Variants in C5 observed in about 807,000 individuals in gnomAD.
The protein encoded by C5 is C3 and PZP-like alpha-2-macroglobulin domain-containing protein 4.
A neutral mutation model predicts 218.8 loss-of-function variants in C5; 140 were observed. That is an observed-to-expected ratio of 0.64 (90% CI 0.56 to 0.74). The LOEUF (loss-of-function observed/expected upper bound fraction) is 0.74, where lower values mean the gene tolerates loss of function less well. Ranked by LOEUF, C5 falls within the 30% of genes least tolerant of loss-of-function variation. The pLI is 0.00. For synonymous variants in C5, 614 were observed against 682.3 expected, an observed-to-expected ratio of 0.90 and a Z score of 1.56; for missense variants, 1,700 against 1,969.6, an observed-to-expected ratio of 0.86 and a Z score of 2.59.
At chr9:121,074,810 A>G in the C5 span, 3 of 455,584 alleles carry the variant, frequency 6.6e-6, no homozygotes, top group South Asian at 1.6e-5. Context: ...CGCGGCCGGA[A>G]GCCTCGCGCC....
At chr9:120,963,600 A>G (rs748806237) in intron 34 of C5, 36 bp downstream of exon 34, 1 of 1,339,382 alleles carries the variant, frequency 7.5e-7, no homozygotes, top group Non-Finnish European at 1.1e-6. Flanking sequence ...AAAGAAAATG[A>G]AGCATTCACA....
At chr9:121,016,496 G>T (rs2047308632) in intron 14 of C5, 113 bp from the exon 15 acceptor site, 1 of 1,368,672 alleles carries the variant, frequency 7.3e-7, no homozygotes, top group Admixed American at 1.8e-5. Flanking sequence ...ATACACAGAT[G>T]ATATTTTTCA....
Position 120,980,079 on chromosome 9 carries a change from A to G in C5, c.3658+4T>C. The G allele has an allele frequency of 6.2e-7, 1 of 1,613,852 alleles. No individual in the cohort carries two copies. The highest frequency in any genetic ancestry group is 8.5e-7 in the Non-Finnish European group (1 of 1,179,714). On this transcript the variant is annotated splice_donor_region_variant and intron_variant, in intron 28 of 40. Transcript: ENST00000223642. The stretch of plus-strand genomic sequence containing the variant: ...ACTGAATACATGTATGGAACAAGTT[A>G]TACCTTTAACCAAAGCTTCTCTCTT...
At chr9:120,996,189 T>G (rs1354328792) in intron 22 of C5, 51 bp downstream of exon 22, 1 of 1,365,170 alleles carries the variant, frequency 7.3e-7, no homozygotes, top group African/African-American at 1.4e-5. Context: ...ATACACACTT[T>G]AACTTCTAAA....
At chr9:121,055,999 G>A in the C5 span, among the ~76,000 whole-genome samples, 46 of 152,348 alleles carry the variant, frequency 3.0e-4, no homozygotes, top group African/African-American at 1.1e-3. Context: ...CCAAGGCTGT[G>A]TACCTAAGAG....
the C5 span, chr9:121,074,862 C>G: frequency 2.2e-6 from 1 of 456,296 alleles, no homozygotes; most frequent in East Asian, 6.9e-5. Context: ...GCAAAAGAGG[C>G]GGGAAACGCC....
At chr9:121,037,038 T>C (rs1012788953) in intron 4 of C5, among the ~76,000 whole-genome samples, 1 of 152,030 alleles carries the variant, frequency 6.6e-6, no homozygotes, top group Non-Finnish European at 1.5e-5. Context: ...GATGAGATCA[T>C]GGGAGTTCAA....
chr9:121,055,457 A>G, the C5 span, among the ~76,000 whole-genome samples: 1 of 152,028 alleles, frequency 6.6e-6, no homozygotes, highest in African/African-American at 2.4e-5. Flanking sequence ...TCAGGTACTG[A>G]TGCTTGGGGA....
At chr9:121,028,617 T>C (rs765227898) in intron 7 of C5, among the ~76,000 whole-genome samples, 4 of 152,242 alleles carry the variant, frequency 2.6e-5, no homozygotes, top group Non-Finnish European at 5.9e-5. Context: ...TGCCGCATGT[T>C]CTCACTCACA....
chr9:121,001,467 T>C (rs1451119126), intron 20 of C5, among the ~76,000 whole-genome samples: 2 of 152,220 alleles, frequency 1.3e-5, no homozygotes, highest in Non-Finnish European at 2.9e-5. Flanking sequence ...ATATCACTTG[T>C]GTCTGTCAAC....
In C5 at chr9:121,043,049, G is replaced by C; in HGVS notation, c.376C>G (p.Leu126Val). Residue 126 changes from leucine to valine, a missense_variant, in exon 3 of 41, where the codon CTC (leucine) becomes GTC (valine). By Grantham distance (32) the Leu-to-Val change is conservative (BLOSUM62 1). Transcript: ENST00000223642. ...RMPITYDNGF[L>V]FIHTDKPVYT... ...ACAGGTTTGTCTGTATGAATGAAGA[G>C]AAATCCATTGTCATAGGTTATTGGC... 1 of 1,613,012 alleles carries C rather than the reference G, an allele frequency of 6.2e-7. No homozygotes were observed. The highest frequency in any genetic ancestry group is 8.5e-7 in the Non-Finnish European group (1 of 1,179,258).
intron 10 of C5, among the ~76,000 whole-genome samples, chr9:121,021,973 C>T (rs1174672815): frequency 6.6e-6 from 1 of 152,066 alleles, no homozygotes; most frequent in Non-Finnish European, 1.5e-5. Flanking sequence ...TAGGCATGCT[C>T]CACCACACCT....
chr9:121,047,051 T>C (rs1426626000), intron 1 of C5, among the ~76,000 whole-genome samples: 1 of 152,196 alleles, frequency 6.6e-6, no homozygotes, highest in African/African-American at 2.4e-5. Context: ...TGATGGTCCT[T>C]TAAGAGCAAA....
At chr9:121,030,275 C>T in intron 7 of C5, 122 bp downstream of exon 7, 1 of 607,052 alleles carries the variant, frequency 1.6e-6, no homozygotes. Context: ...ATCAATTAGT[C>T]CCCAAATCAT....
Position 120,960,268 on chromosome 9 carries a change from C to T in C5, c.4658G>A (p.Cys1553Tyr), listed in dbSNP as rs370939790. Residue 1553 changes from cysteine (C) to tyrosine (Y), a missense_variant, in exon 38 of 41, where the codon TGT (cysteine) becomes TAT (tyrosine). Coordinates refer to ENST00000223642, the MANE Select transcript of C5 (RefSeq NM_001735.3). The stretch of plus-strand genomic sequence containing the variant: ...CTCACCATATGCAATCTCTGGTTTA[C>T]ATGCTGTTTGTTTTCTTGTCTCTGC... ...ISAETRKQTA[C>Y]KPEIAYAYKV... is the part of the protein sequence containing the mutation. 6.2e-7 allele frequency: 1 copy of T among 1,612,322 alleles called. No homozygotes were observed. Among genetic ancestry groups the T allele is most frequent in the Non-Finnish European group, 8.5e-7 (1 of 1,178,634 alleles).
At position 120,997,670 on chromosome 9, in the gene C5, C is replaced by G. The variant is rs1317003893; in HGVS notation, c.2667G>C (p.Glu889Asp). 6.2e-7 allele frequency: 1 copy of G among 1,614,176 alleles called. No individual in the cohort carries two copies. Among genetic ancestry groups the G allele is most frequent in the Non-Finnish European group, 8.5e-7 (1 of 1,180,024 alleles). Residue 889 changes from glutamate to aspartate, a missense_variant, in exon 21 of 41, where the codon GAG becomes GAC. By Grantham distance (45) the Glu-to-Asp change is conservative. Transcript: ENST00000223642. The stretch of plus-strand genomic sequence containing the variant: ...ATGTCACCAAGTGACTGGAGGAGCC[C>G]TCTACTTTCTGGCGCACACATTTGG... ...KSSKCVRQKVEGSSSHLVTFT... is the reference protein window; with the variant it reads ...KSSKCVRQKVDGSSSHLVTFT...
chr9:120,981,849 G>A lies in C5; in HGVS notation c.3481C>T (p.Leu1161=). The change falls in exon 27 of 41, where the codon CTG becomes TTG. Residue 1161 remains leucine (L), a synonymous_variant. Coordinates refer to ENST00000223642, the MANE Select transcript of C5 (RefSeq NM_001735.3). The part of the protein sequence containing the change: ...GIRKAFDICP[L]VKIDTALIKA... ...GAAAGAAAACTCTTACTTACCACCAGGGGGCATATATCGAAAGCCTTTCTA... is the reference window on the plus strand; with the variant it reads ...GAAAGAAAACTCTTACTTACCACCAAGGGGCATATATCGAAAGCCTTTCTA... 1.2e-6 allele frequency: 2 copies of A among 1,608,026 alleles called. No individual in the cohort carries two copies. Among genetic ancestry groups the A allele is most frequent in the Non-Finnish European group, 8.5e-7 (1 of 1,174,494 alleles).
intron 20 of C5, among the ~76,000 whole-genome samples, chr9:121,003,240 G>A (rs1025134137): frequency 1.3e-5 from 2 of 151,814 alleles, no homozygotes; most frequent in African/African-American, 4.8e-5. Flanking sequence ...GCAGTGAACC[G>A]AGATTGTGCC....
intron 3 of C5, among the ~76,000 whole-genome samples, chr9:121,042,498 C>T (rs16910280): frequency 0.12 from 17,550 of 152,170 alleles, 1,265 homozygotes; most frequent in East Asian, 0.18. Context: ...GGGATTAGCT[C>T]CAGACCCAGT....
Sources: allele counts gnomAD v4.1 joint callset (sites outside exome capture counted in the v4.1 genomes callset), GRCh38; gene constraint gnomAD v4.1.1; transcripts MANE v1.5; gene names NCBI Gene and HGNC (gene_info 2026-07-23, HGNC 2026-07-21).